Variants in ANK2 observed in about 807,000 individuals in gnomAD.
ANK2 encodes ankyrin 2.
In ANK2, 83 loss-of-function variants were observed where a neutral mutation model predicts 360.5. That is an observed-to-expected ratio of 0.23 (90% CI 0.19 to 0.28). The LOEUF is 0.28. Among genes scored for constraint, ANK2 ranks in the 10% least tolerant of loss-of-function variants. The pLI, the probability that ANK2 is intolerant of heterozygous loss-of-function variation, is 1.00. For synonymous variants in ANK2, 1,740 were observed against 1,759.5 expected (o/e 0.99, Z 0.28); for missense variants, 4,201 against 4,795.7 (o/e 0.88, Z 3.66).
At chr4:112,741,430 G>C in the ANK2 span, among the ~76,000 whole-genome samples, 1 of 152,120 alleles carries the variant, frequency 6.6e-6, no homozygotes, top group East Asian at 1.9e-4. Flanking sequence ...AGCCTGCTCT[G>C]TCCATGCTGC....
At chr4:113,063,927 A>T (rs1189819576) in intron 1 of ANK2, among the ~76,000 whole-genome samples, 3 of 152,180 alleles carry the variant, frequency 2.0e-5, no homozygotes, top group Non-Finnish European at 4.4e-5. Flanking sequence ...CAAATCCCAC[A>T]TTATTTATGG....
chr4:113,290,588 T>A (rs1462942682), intron 20 of ANK2, among the ~76,000 whole-genome samples: 3 of 152,114 alleles, frequency 2.0e-5, no homozygotes, highest in African/African-American at 7.2e-5. Flanking sequence ...TGAAAAAAAT[T>A]GTATTTATTA....
chr4:113,025,933 G>A (rs537941925), intron 2 of ANK2, among the ~76,000 whole-genome samples: 6 of 152,234 alleles, frequency 3.9e-5, no homozygotes, highest in South Asian at 4.1e-4. Flanking sequence ...TCACTTTCAT[G>A]GGCATTTTAA....
chr4:113,100,320 A>T (rs2092616020), intron 1 of ANK2, among the ~76,000 whole-genome samples: 1 of 152,130 alleles, frequency 6.6e-6, no homozygotes. Context: ...AAGTGATCTG[A>T]ACAGATACCT....
At chr4:113,317,656 A>T in intron 24 of ANK2, 51 bp from the exon 25 acceptor site, 1 of 1,438,126 alleles carries the variant, frequency 7.0e-7, no homozygotes, top group Non-Finnish European at 9.8e-7. Context: ...TTGTCATCCC[A>T]ACCCTGCTAC....
rs2153957626 is a variant in ANK2 at position 113,335,854 on chromosome 4, A to T, written c.3388A>T (p.Ser1130Cys). The change falls in exon 30 of 46, where the codon AGC (serine) becomes TGC (cysteine). Residue 1130 changes from serine (S) to cysteine (C), a missense_variant. By Grantham distance (112) the Ser-to-Cys change is moderately radical (BLOSUM62 -1). Coordinates refer to ENST00000357077, the MANE Select transcript of ANK2 (RefSeq NM_001148.6). ...GTCATTTCTTGTCTTAGTACTGGAT[A>T]GCCCAGAAGACCTAGAAAAGAAACG... ...ILNGMDEVLDSPEDLEKKRIC... is the reference protein window; with the variant it reads ...ILNGMDEVLDCPEDLEKKRIC... 3 of 1,614,058 alleles carry T rather than the reference A, an allele frequency of 1.9e-6. No individual in the cohort carries two copies. Among genetic ancestry groups the T allele is most frequent in the Non-Finnish European group, 2.5e-6 (3 of 1,179,870 alleles).
chr4:112,906,610 A>G (rs1055812327), intron 2 of ANK2, among the ~76,000 whole-genome samples: 19 of 152,200 alleles, frequency 1.2e-4, no homozygotes, highest in African/African-American at 4.3e-4. Context: ...ATGCACATCA[A>G]CACAGCTAAG....
At chr4:112,841,503 G>C (rs1291842311) in intron 1 of ANK2, among the ~76,000 whole-genome samples, 1 of 152,156 alleles carries the variant, frequency 6.6e-6, no homozygotes, top group Admixed American at 6.5e-5. Flanking sequence ...ATAGACATCT[G>C]GCATGCAAAC....
chr4:112,723,354 A>AT, the ANK2 span, among the ~76,000 whole-genome samples: 5 of 151,192 alleles, frequency 3.3e-5, no homozygotes, highest in African/African-American at 4.9e-5. Flanking sequence ...GCTCCTCAAG[A>AT]TTTTTTTTTG....
At chr4:112,936,449 G>A (rs991001998) in intron 2 of ANK2, among the ~76,000 whole-genome samples, 48 of 151,828 alleles carry the variant, frequency 3.2e-4, no homozygotes, top group African/African-American at 1.1e-3. Flanking sequence ...GCGTTCAAGC[G>A]ATCCTCCTGC....
At position 113,249,294 on chromosome 4, in the gene ANK2, T is replaced by C. The variant is rs112726424; in HGVS notation, c.892-470T>C. Among the ~76,000 whole-genome samples, 29 of 152,332 alleles carry C rather than the reference T, an allele frequency of 1.9e-4. 1 individual carries two copies. Among genetic ancestry groups the C allele is most frequent in the African/African-American group, 6.5e-4 (27 of 41,590 alleles). ...TGATGACAATTCAAAAGAGAACATA[T>C]GTGAAAAAATTACGCTAAGAAAAAT... On this transcript the variant is annotated intron_variant, in intron 9 of 45. Transcript: ENST00000357077.
chr4:112,978,152 G>A (rs2042029259), intron 2 of ANK2, among the ~76,000 whole-genome samples: 2 of 152,030 alleles, frequency 1.3e-5, no homozygotes, highest in African/African-American at 2.4e-5. Context: ...GCTGAGGCAG[G>A]AGAATTGCTT....
chr4:113,323,372 TTTTA>T (rs2087588307), intron 26 of ANK2, among the ~76,000 whole-genome samples: 1 of 152,336 alleles, frequency 6.6e-6, no homozygotes, highest in South Asian at 2.1e-4. Context: ...TTATCATTAT[TTTTA>T]AAGTATTAAA....
chr4:112,931,433 C>CT (rs59802557), intron 2 of ANK2, among the ~76,000 whole-genome samples: 16,849 of 85,054 alleles, frequency 0.2, 709 homozygotes, highest in Non-Finnish European at 0.27. Flanking sequence ...TCTTTCTTTT[C>CT]TTTTTTTTTT....
At chr4:113,165,981 C>T (rs1345404023) in intron 1 of ANK2, among the ~76,000 whole-genome samples, 1 of 152,100 alleles carries the variant, frequency 6.6e-6, no homozygotes, top group African/African-American at 2.4e-5. Context: ...ATATTTTCAT[C>T]TATAAACTTA....
chr4:112,810,529 G>T, the ANK2 span, among the ~76,000 whole-genome samples: 1 of 152,084 alleles, frequency 6.6e-6, no homozygotes, highest in Non-Finnish European at 1.5e-5. Flanking sequence ...GTTGAGAAAA[G>T]TTCTGTTTCC....
chr4:113,100,638 A>G (rs2092676906), intron 1 of ANK2, among the ~76,000 whole-genome samples: 1 of 152,120 alleles, frequency 6.6e-6, no homozygotes, highest in South Asian at 2.1e-4. Context: ...GTTTACTCAA[A>G]TGAAATGAAA....
chr4:112,988,290 C>T (rs757336862), intron 2 of ANK2, among the ~76,000 whole-genome samples: 1 of 152,182 alleles, frequency 6.6e-6, no homozygotes, highest in South Asian at 2.1e-4. Flanking sequence ...CAAGTATACT[C>T]GATGGACTTT....
In ANK2 at chr4:113,354,636, T is replaced by C; in HGVS notation, c.6018T>C (p.His2006=). 2 of 1,613,814 alleles carry C rather than the reference T, an allele frequency of 1.2e-6. No individual in the cohort carries two copies. Among genetic ancestry groups the C allele is most frequent in the African/African-American group, 1.3e-5 (1 of 74,912 alleles). ...AFQSGQDPSK[H]KTGLFEHKSA... is the part of the protein sequence containing the mutation. ...AGTCAGGTCAGGACCCTTCTAAACA[T>C]AAAACTGGACTCTTTGAGCACAAAT... Residue 2006 remains histidine (H), a synonymous_variant, in exon 38 of 46, where the codon CAT becomes CAC. Coordinates refer to ENST00000357077, the MANE Select transcript of ANK2 (RefSeq NM_001148.6).
Sources: allele counts gnomAD v4.1 joint callset (sites outside exome capture counted in the v4.1 genomes callset), GRCh38; gene constraint gnomAD v4.1.1; transcripts MANE v1.5; gene names NCBI Gene and HGNC (gene_info 2026-07-23, HGNC 2026-07-21).